Variants in NCKAP5 observed in about 807,000 individuals in gnomAD.
NCKAP5 encodes the protein NCK associated protein 5.
NCKAP5 carries 92 observed loss-of-function variants against 167.0 expected under a neutral mutation model. That is an observed-to-expected ratio of 0.55 (90% CI 0.47 to 0.66). NCKAP5 has a LOEUF of 0.66. Ranked by LOEUF, NCKAP5 falls within the 30% of genes least tolerant of loss-of-function variation. The pLI is 0.00. For missense variants in NCKAP5, 2,378 were observed against 2,315.0 expected, an observed-to-expected ratio of 1.03 and a Z score of -0.56; for synonymous variants, 891 against 877.4, an observed-to-expected ratio of 1.02 and a Z score of -0.27.
At chr2:132,996,716 T>C (rs2077612902) in intron 6 of NCKAP5, among the ~76,000 whole-genome samples, 1 of 152,250 alleles carries the variant, frequency 6.6e-6, no homozygotes, top group Admixed American at 6.5e-5. Flanking sequence ...CTCTCAACTG[T>C]AGATAAAATA....
chr2:133,473,318 C>A (rs1047817021), intron 3 of NCKAP5, among the ~76,000 whole-genome samples: 1 of 150,332 alleles, frequency 6.7e-6, no homozygotes, highest in Non-Finnish European at 1.5e-5. Flanking sequence ...GGCGACAGAG[C>A]GAGACTCCGT....
At chr2:133,623,047 A>G in the NCKAP5 span, among the ~76,000 whole-genome samples, 100,094 of 152,022 alleles carry the variant, frequency 0.66, 33,727 homozygotes, top group East Asian at 0.87. Context: ...ACATGAGGTG[A>G]GAAAAGGACA....
At chr2:133,103,185 G>GTATAAGT (rs1308067027) in intron 6 of NCKAP5, among the ~76,000 whole-genome samples, 3 of 152,024 alleles carry the variant, frequency 2.0e-5, no homozygotes, top group African/African-American at 7.2e-5. Context: ...TGAATGAATG[G>GTATAAGT]TATAAGTTAT....
At chr2:132,828,126 G>A (rs763430790) in intron 11 of NCKAP5, among the ~76,000 whole-genome samples, 5 of 152,100 alleles carry the variant, frequency 3.3e-5, no homozygotes, top group Admixed American at 6.5e-5. Context: ...AACAGTCCTC[G>A]CCAGACTGAA....
At chr2:132,903,640 T>C (rs1483164043) in intron 8 of NCKAP5, among the ~76,000 whole-genome samples, 1 of 152,192 alleles carries the variant, frequency 6.6e-6, no homozygotes, top group Non-Finnish European at 1.5e-5. Context: ...TATTTTCATG[T>C]CACAGGGGAA....
chr2:133,528,279 C>T (rs532888291), intron 2 of NCKAP5, among the ~76,000 whole-genome samples: 1 of 151,796 alleles, frequency 6.6e-6, no homozygotes, highest in African/African-American at 2.4e-5. Flanking sequence ...CTTAGAATTT[C>T]CACCTAGTTT....
intron 6 of NCKAP5, among the ~76,000 whole-genome samples, chr2:133,026,797 G>A (rs1429685168): frequency 6.6e-6 from 1 of 152,156 alleles, no homozygotes; most frequent in Admixed American, 6.5e-5. Context: ...TATAGACAAA[G>A]TTCCTATCAC....
At chr2:133,067,500 A>G (rs1475882891) in intron 6 of NCKAP5, among the ~76,000 whole-genome samples, 5 of 152,248 alleles carry the variant, frequency 3.3e-5, no homozygotes, top group African/African-American at 9.6e-5. Context: ...CACAACACAC[A>G]GTGTGGCTGG....
intron 3 of NCKAP5, among the ~76,000 whole-genome samples, chr2:133,445,393 A>G (rs2151179208): frequency 6.6e-6 from 1 of 152,318 alleles, no homozygotes; most frequent in South Asian, 2.1e-4. Context: ...TCCCATATAT[A>G]TTTGACTTAA....
intron 5 of NCKAP5, among the ~76,000 whole-genome samples, chr2:133,169,712 C>T (rs2084156319): frequency 6.6e-6 from 1 of 152,202 alleles, no homozygotes; most frequent in South Asian, 2.1e-4. Flanking sequence ...GGCCAACTCC[C>T]CACAAGAGTG....
In NCKAP5 at chr2:132,789,907, GTGC is replaced by G. The variant is rs1223830031; in HGVS notation, c.1092+113_1092+115del. The G allele has an allele frequency of 9.0e-6, 8 of 886,304 alleles. No homozygotes were observed. In the African/African-American group the frequency reaches 1.2e-4, roughly 13 times the overall value. The allele number at this position is 886,304 out of a possible 1,614,324, so 54.9% of individuals were successfully genotyped here. A position where few individuals can be genotyped will look rare whatever the true frequency, so the allele number is the denominator to read the frequency against. On this transcript the variant is annotated intron_variant, in intron 13 of 19. Transcript: ENST00000409261. ...GGATGTCAGTATAATACATGAGCAG[GTGC>G]TCAGCAAATGGTGGCTTCCTTCTTA...
chr2:133,031,294 G>C (rs1353638514), intron 6 of NCKAP5, among the ~76,000 whole-genome samples: 5 of 152,020 alleles, frequency 3.3e-5, no homozygotes, highest in Non-Finnish European at 7.4e-5. Flanking sequence ...TTGGTGCTGG[G>C]GGAGGGAGAA....
At chr2:133,280,889 T>A (rs2089912428) in intron 4 of NCKAP5, among the ~76,000 whole-genome samples, 1 of 152,218 alleles carries the variant, frequency 6.6e-6, no homozygotes, top group Non-Finnish European at 1.5e-5. Context: ...ATTTACTATG[T>A]GGTCCTTAAC....
intron 12 of NCKAP5, among the ~76,000 whole-genome samples, chr2:132,794,211 A>G (rs1396594310): frequency 8.1e-6 from 1 of 123,698 alleles, no homozygotes; most frequent in Non-Finnish European, 1.7e-5. Context: ...ACTATTATTA[A>G]AAATGTTTAT....
At chr2:133,092,788 C>A (rs1559131710) in intron 6 of NCKAP5, among the ~76,000 whole-genome samples, 1 of 152,136 alleles carries the variant, frequency 6.6e-6, no homozygotes, top group Non-Finnish European at 1.5e-5. Context: ...TAATGAGTCA[C>A]CTCACTGAGA....
At chr2:132,801,578 G>T (rs896161096) in intron 11 of NCKAP5, among the ~76,000 whole-genome samples, 148 of 152,320 alleles carry the variant, frequency 9.7e-4, no homozygotes, top group African/African-American at 3.5e-3. Flanking sequence ...GGGGTTAGGG[G>T]ATTGTGTGAA....
intron 2 of NCKAP5, among the ~76,000 whole-genome samples, chr2:133,549,004 C>T (rs1274969301): frequency 2.0e-5 from 3 of 151,762 alleles, no homozygotes; most frequent in Non-Finnish European, 2.9e-5. Flanking sequence ...CAGAGACACA[C>T]ATAGGCTCAA....
the NCKAP5 span, among the ~76,000 whole-genome samples, chr2:133,609,116 C>G: frequency 2.6e-5 from 4 of 152,176 alleles, no homozygotes; most frequent in African/African-American, 9.7e-5. Context: ...TATTCACGAG[C>G]CAGGCATCAG....
intron 8 of NCKAP5, among the ~76,000 whole-genome samples, chr2:132,920,721 A>ATATATATACGTATATGTATATATATG (rs1558942758): frequency 4.7e-5 from 3 of 63,286 alleles, no homozygotes; most frequent in Non-Finnish European, 8.0e-5. Context: ...ATATATATGT[A>ATATATATACGTATATGTATATATATG]TATATATATA....
Sources: allele counts gnomAD v4.1 joint callset (sites outside exome capture counted in the v4.1 genomes callset), GRCh38; gene constraint gnomAD v4.1.1; transcripts MANE v1.5; gene names NCBI Gene and HGNC (gene_info 2026-07-23, HGNC 2026-07-21).